The following LINGO2 variants were observed in gnomAD, a reference collection of about 807,000 sequenced individuals.
LINGO2 encodes the protein leucine-rich repeat and immunoglobulin-like domain-containing nogo receptor-interacting protein 2.
A neutral mutation model predicts 30.6 loss-of-function variants in LINGO2; 14 were observed. The ratio of observed to expected loss-of-function variants is 0.46; its 90% confidence interval spans 0.30 to 0.72. The LOEUF is 0.72. Ranked by LOEUF, LINGO2 falls within the 30% of genes least tolerant of loss-of-function variation. The probability of loss-of-function intolerance (pLI) is 0.07; values close to 1 mark genes in which losing one functional copy is unlikely to be tolerated. For synonymous variants in LINGO2, 317 were observed against 288.5 expected (o/e 1.10, Z -1.00); for missense variants, 729 against 751.7 (o/e 0.97, Z 0.35).
chr9:28,567,794 A>AAAATAAAT (rs35618477), intron 1 of LINGO2, among the ~76,000 whole-genome samples: 6,610 of 149,958 alleles, frequency 0.044, 188 homozygotes, highest in South Asian at 0.071. Context: ...TCCTGAATCT[A>AAAATAAAT]AAATAAATAA....
At chr9:28,234,513 C>G (rs1821488166) in intron 4 of LINGO2, among the ~76,000 whole-genome samples, 1 of 152,318 alleles carries the variant, frequency 6.6e-6, no homozygotes, top group South Asian at 2.1e-4. Context: ...GGCAGACCCA[C>G]TCTCAATCTA....
chr9:28,866,355 T>A, the LINGO2 span, among the ~76,000 whole-genome samples: 1 of 152,126 alleles, frequency 6.6e-6, no homozygotes, highest in Admixed American at 6.6e-5. Context: ...GTGGTCAACA[T>A]CTCTGTTAAT....
intron 4 of LINGO2, among the ~76,000 whole-genome samples, chr9:28,209,557 C>G (rs1333073333): frequency 6.6e-6 from 1 of 151,534 alleles, no homozygotes; most frequent in Non-Finnish European, 1.5e-5. Flanking sequence ...AATGAAAATA[C>G]AAAAATAAAA....
chr9:29,090,411 G>A, the LINGO2 span, among the ~76,000 whole-genome samples: 4 of 151,828 alleles, frequency 2.6e-5, no homozygotes, highest in African/African-American at 4.8e-5. Context: ...CTGAGCAACC[G>A]TCATTTAGTA....
the LINGO2 span, chr9:28,863,747 A>C: frequency 2.2e-6 from 1 of 444,648 alleles, no homozygotes; most frequent in Non-Finnish European, 5.0e-6. Flanking sequence ...CAACAAAAAC[A>C]GTACCCTTTG....
chr9:28,912,203 T>C, the LINGO2 span, among the ~76,000 whole-genome samples: 1 of 152,142 alleles, frequency 6.6e-6, no homozygotes, highest in Admixed American at 6.6e-5. Context: ...GCTAAAAGCC[T>C]ATAAAGTGAA....
At chr9:28,431,719 C>G (rs559473781) in intron 2 of LINGO2, among the ~76,000 whole-genome samples, 5 of 152,256 alleles carry the variant, frequency 3.3e-5, no homozygotes. Flanking sequence ...AGCCCTGTGG[C>G]TGAAACACTG....
At chr9:27,965,696 C>A (rs564373438) in intron 5 of LINGO2, among the ~76,000 whole-genome samples, 25 of 152,158 alleles carry the variant, frequency 1.6e-4, no homozygotes, top group Admixed American at 3.9e-4. Flanking sequence ...TTCTACAGTT[C>A]TGAATCTCCT....
intron 4 of LINGO2, among the ~76,000 whole-genome samples, chr9:28,027,522 A>G (rs1309408546): frequency 1.3e-5 from 2 of 152,158 alleles, no homozygotes; most frequent in Non-Finnish European, 2.9e-5. Flanking sequence ...GGAAGCAAGC[A>G]TGGGTGGAAT....
At chr9:28,774,075 CACACACACTT>C in the LINGO2 span, among the ~76,000 whole-genome samples, 8 of 145,740 alleles carry the variant, frequency 5.5e-5, no homozygotes, top group African/African-American at 2.2e-4. Context: ...CACACACACA[CACACACACTT>C]ACTTTAGCAT....
chr9:28,708,332 C>G, the LINGO2 span, among the ~76,000 whole-genome samples: 2 of 152,064 alleles, frequency 1.3e-5, no homozygotes, highest in African/African-American at 4.8e-5. Context: ...ATGTATAATT[C>G]AGGGATCCCC....
chr9:27,997,942 T>C (rs1384763605), intron 5 of LINGO2, among the ~76,000 whole-genome samples: 1 of 101,578 alleles, frequency 9.8e-6, no homozygotes, highest in African/African-American at 3.8e-5. Flanking sequence ...GGGATTCACA[T>C]GAGCCTTTTT....
At chr9:29,117,778 G>C in the LINGO2 span, among the ~76,000 whole-genome samples, 2 of 152,176 alleles carry the variant, frequency 1.3e-5, no homozygotes, top group African/African-American at 4.8e-5. Flanking sequence ...AGCTAAGTTA[G>C]TACTTCATGT....
chr9:28,054,477 C>T (rs1052429634), intron 4 of LINGO2, among the ~76,000 whole-genome samples: 2 of 152,032 alleles, frequency 1.3e-5, no homozygotes, highest in South Asian at 4.1e-4. Flanking sequence ...TTTATCTAGA[C>T]CTTAGCTAAC....
At chr9:28,374,204 T>TATATA (rs1564158477) in intron 2 of LINGO2, among the ~76,000 whole-genome samples, 4 of 87,454 alleles carry the variant, frequency 4.6e-5, no homozygotes, top group African/African-American at 3.4e-4. Context: ...AAAAATATGT[T>TATATA]TTTATTTATA....
chr9:28,841,113 C>G, the LINGO2 span, among the ~76,000 whole-genome samples: 1 of 151,768 alleles, frequency 6.6e-6, no homozygotes, highest in Non-Finnish European at 1.5e-5. Flanking sequence ...CAAGGCACTG[C>G]TTATATAGTC....
At chr9:29,198,009 C>T in the LINGO2 span, among the ~76,000 whole-genome samples, 1 of 152,036 alleles carries the variant, frequency 6.6e-6, no homozygotes, top group African/African-American at 2.4e-5. Context: ...ATAATAATAA[C>T]ATGCCAGGAC....
At chr9:28,410,723 G>A (rs1301202178) in intron 2 of LINGO2, among the ~76,000 whole-genome samples, 1 of 152,092 alleles carries the variant, frequency 6.6e-6, no homozygotes, top group Non-Finnish European at 1.5e-5. Context: ...TAAGGGGGAA[G>A]TGCACTGTGT....
At chr9:28,479,390 T>C (rs1406038815) in intron 1 of LINGO2, among the ~76,000 whole-genome samples, 2 of 152,006 alleles carry the variant, frequency 1.3e-5, no homozygotes, top group African/African-American at 4.8e-5. Context: ...TTATATACTT[T>C]ATTAAAGGAC....
Sources: allele counts gnomAD v4.1 joint callset (sites outside exome capture counted in the v4.1 genomes callset), GRCh38; gene constraint gnomAD v4.1.1; transcripts MANE v1.5; gene names NCBI Gene and HGNC (gene_info 2026-07-23, HGNC 2026-07-21).